The following ANKMY2 variants were observed in gnomAD, a reference collection of about 807,000 sequenced individuals.
ANKMY2 encodes ankyrin repeat and MYND domain-containing protein 2.
A neutral mutation model predicts 50.4 loss-of-function variants in ANKMY2; 36 were observed. The observed-to-expected ratio is 0.71, with a 90% CI of 0.55 to 0.94. ANKMY2 has a LOEUF of 0.94. Among genes scored for constraint, ANKMY2 ranks in the 40% least tolerant of loss-of-function variants. The probability of loss-of-function intolerance (pLI) is 0.00; values close to 1 mark genes in which losing one functional copy is unlikely to be tolerated. For missense variants in ANKMY2, 565 were observed against 524.0 expected (o/e 1.08, Z -0.76); for synonymous variants, 187 against 178.8 (o/e 1.05, Z -0.36).
chr7:16,642,242 T>G (rs1479186530), intron 1 of ANKMY2, among the ~76,000 whole-genome samples: 1 of 152,188 alleles, frequency 6.6e-6, no homozygotes, highest in Non-Finnish European at 1.5e-5. Context: ...AAGGTTTAAT[T>G]TATTTCATAA....
At chr7:16,630,888 T>C (rs1781572947) in intron 2 of ANKMY2, among the ~76,000 whole-genome samples, 1 of 152,166 alleles carries the variant, frequency 6.6e-6, no homozygotes, top group Non-Finnish European at 1.5e-5. Context: ...GGAAGGATGC[T>C]CCAGGGAAAG....
At chr7:16,603,677 T>A (rs2128341634) in intron 8 of ANKMY2, 1 of 471,190 alleles carries the variant, frequency 2.1e-6, no homozygotes, top group Middle Eastern at 3.2e-4. Context: ...GGGAGGAGAC[T>A]TGACTTCAGA....
At chr7:16,633,997 G>A (rs1469882169) in intron 2 of ANKMY2, among the ~76,000 whole-genome samples, 2 of 151,600 alleles carry the variant, frequency 1.3e-5, no homozygotes, top group African/African-American at 2.4e-5. Context: ...ATTATTTTTT[G>A]CTTTAAACTT....
At chr7:16,632,711 ATGCATT>A (rs1405092966) in intron 2 of ANKMY2, among the ~76,000 whole-genome samples, 5 of 152,242 alleles carry the variant, frequency 3.3e-5, no homozygotes, top group African/African-American at 1.2e-4. Context: ...TGTTATAAAC[ATGCATT>A]TGCATATGCA....
chr7:16,606,463 C>T (rs989532864), intron 7 of ANKMY2, among the ~76,000 whole-genome samples: 9 of 151,878 alleles, frequency 5.9e-5, no homozygotes, highest in Non-Finnish European at 2.9e-5. Flanking sequence ...AAGCATTTAT[C>T]TGTCTGAGAC....
chr7:16,631,870 C>T (rs1781591768), intron 2 of ANKMY2, among the ~76,000 whole-genome samples: 1 of 152,132 alleles, frequency 6.6e-6, no homozygotes, highest in African/African-American at 2.4e-5. Flanking sequence ...CCGCCTCGGC[C>T]TCCCAAAGTA....
At chr7:16,640,723 T>C (rs1781734136) in intron 1 of ANKMY2, among the ~76,000 whole-genome samples, 1 of 152,022 alleles carries the variant, frequency 6.6e-6, no homozygotes, top group Non-Finnish European at 1.5e-5. Flanking sequence ...GGTCTCACTA[T>C]ATTGAGACCC....
chr7:16,617,917 GTTTTTT>G (rs780533044), intron 4 of ANKMY2, among the ~76,000 whole-genome samples: 3 of 110,882 alleles, frequency 2.7e-5, no homozygotes, highest in Non-Finnish European at 5.4e-5. Flanking sequence ...CAGTGAGCGT[GTTTTTT>G]TTTTTTTTTT....
rs532704018 is a variant in ANKMY2, at chr7:16,601,761, G to A, written c.1141+619C>T. Among the ~76,000 whole-genome samples, 10 of 152,264 alleles carry A rather than the reference G, an allele frequency of 6.6e-5. No homozygotes were observed. The East Asian group carries it at 1.5e-3, about 24-fold the overall frequency. On this transcript the variant is annotated intron_variant, in intron 9 of 9. Transcript: ENST00000306999. ...ATTCTCTGGAATGAGGCATGAGGGTGGGGGCAGTTCTCCTCTCCAATCTGA... is the reference window on the plus strand; with the variant it reads ...ATTCTCTGGAATGAGGCATGAGGGTAGGGGCAGTTCTCCTCTCCAATCTGA...
intron 1 of ANKMY2, among the ~76,000 whole-genome samples, chr7:16,638,547 T>C (rs1781700860): frequency 6.6e-6 from 1 of 152,208 alleles, no homozygotes; most frequent in Non-Finnish European, 1.5e-5. Flanking sequence ...AGTTCAGCAA[T>C]CTGGAAGCTC....
At chr7:16,635,100 G>A (rs900245615) in intron 2 of ANKMY2, among the ~76,000 whole-genome samples, 10 of 151,802 alleles carry the variant, frequency 6.6e-5, no homozygotes, top group South Asian at 2.1e-4. Context: ...CCCCAAACTG[G>A]AAACAACCCA....
At chr7:16,615,638 A>G in intron 5 of ANKMY2, 106 bp downstream of exon 5, 1 of 1,438,168 alleles carries the variant, frequency 7.0e-7, no homozygotes, top group Non-Finnish European at 9.5e-7. Context: ...CAAGCTCTAC[A>G]ACTACAAAAC....
chr7:16,609,344 C>A (rs1344252213), intron 7 of ANKMY2, among the ~76,000 whole-genome samples: 1 of 152,130 alleles, frequency 6.6e-6, no homozygotes, highest in Non-Finnish European at 1.5e-5. Context: ...ACCTATATTA[C>A]ATAGTGGATG....
In ANKMY2 at chr7:16,637,222, G is replaced by A. The variant is rs527757949; in HGVS notation, c.68-767C>T. Among the ~76,000 whole-genome samples the A allele has an allele frequency of 3.0e-3, 450 of 152,328 alleles. 1 individual carries two copies. The highest frequency in any genetic ancestry group is 5.1e-3 in the Non-Finnish European group (346 of 68,028). On this transcript the variant is annotated intron_variant, in intron 1 of 9. Coordinates refer to ENST00000306999, the MANE Select transcript of ANKMY2 (RefSeq NM_020319.3). ...AGAGAAGAATGAAATTGAATGTGCT[G>A]AGGGAGAAAGGCTAAGATAAGCCTC... is the stretch of plus-strand genomic sequence containing the variant.
At chr7:16,605,692 T>C (rs1212981973) in intron 7 of ANKMY2, among the ~76,000 whole-genome samples, 1 of 141,992 alleles carries the variant, frequency 7.0e-6, no homozygotes, top group Non-Finnish European at 1.5e-5. Flanking sequence ...TTTTTTTTTT[T>C]TTTTTTTTGA....
At chr7:16,624,638 G>A (rs947798821) in intron 4 of ANKMY2, among the ~76,000 whole-genome samples, 1 of 152,220 alleles carries the variant, frequency 6.6e-6, no homozygotes, top group South Asian at 2.1e-4. Flanking sequence ...TTGCTATCAC[G>A]TGGCACAGCC....
chr7:16,645,395 C>A, intron 1 of ANKMY2, 112 bp downstream of exon 1: 1 of 1,097,630 alleles, frequency 9.1e-7, no homozygotes, highest in South Asian at 1.7e-5. Flanking sequence ...TTCCAGGCTG[C>A]AAACCTTGCA....
chr7:16,618,118 G>T (rs370314777), intron 4 of ANKMY2, among the ~76,000 whole-genome samples: 2 of 151,822 alleles, frequency 1.3e-5, no homozygotes, highest in Admixed American at 6.6e-5. Context: ...TTCAGATGGG[G>T]TTTCACTATG....
chr7:16,625,220 A>G (rs928453040), intron 3 of ANKMY2, 139 bp from the exon 4 acceptor site: 1 of 583,240 alleles, frequency 1.7e-6, no homozygotes, highest in Non-Finnish European at 3.0e-6. Context: ...CTTTTAAAAC[A>G]TGAATCCTAA....
Sources: gnomAD v4.1 joint callset for allele counts (sites outside exome capture counted in the v4.1 genomes callset) on GRCh38, gnomAD v4.1.1 for gene constraint, MANE v1.5 for transcripts, NCBI Gene and HGNC (gene_info 2026-07-23, HGNC 2026-07-21) for gene names.